The following SPSB4 variants were observed in gnomAD, a reference collection of about 807,000 sequenced individuals.
The protein encoded by SPSB4 is SPRY domain-containing SOCS box protein 4.
In SPSB4, 21 loss-of-function variants were observed where a neutral mutation model predicts 20.9. That is an observed-to-expected ratio of 1.01 (90% CI 0.71 to 1.45). The LOEUF is 1.45. Ranked by LOEUF, SPSB4 falls within the 40% of genes most tolerant of loss-of-function variation. The pLI is 0.00. For synonymous variants in SPSB4, 207 were observed against 183.8 expected (o/e 1.13, Z -1.02); for missense variants, 399 against 399.2 (o/e 1.00, Z 0.00).
At chr3:141,106,766 T>G (rs1448465058) in intron 2 of SPSB4, among the ~76,000 whole-genome samples, 9 of 152,232 alleles carry the variant, frequency 5.9e-5, no homozygotes. Context: ...TCGTGTCTAG[T>G]GGCACCTTAG....
At chr3:141,059,553 G>C (rs1937724532) in intron 1 of SPSB4, among the ~76,000 whole-genome samples, 1 of 152,062 alleles carries the variant, frequency 6.6e-6, no homozygotes, top group South Asian at 2.1e-4. Context: ...CCAGAACTCA[G>C]TCACTATCCC....
At chr3:141,139,704 A>T (rs1367042101) in intron 2 of SPSB4, among the ~76,000 whole-genome samples, 2 of 152,220 alleles carry the variant, frequency 1.3e-5, no homozygotes, top group African/African-American at 4.8e-5. Context: ...CCGAGAGATC[A>T]GCTGTTAGTC....
At chr3:141,075,901 A>G (rs1938098051) in intron 2 of SPSB4, among the ~76,000 whole-genome samples, 1 of 150,412 alleles carries the variant, frequency 6.6e-6, no homozygotes, top group African/African-American at 2.4e-5. Context: ...ACAAAAAAAA[A>G]AAAAAAAAAA....
rs780561392 is a variant in SPSB4 at position 141,147,287 on chromosome 3, G to A, written c.*18G>A. The stretch of plus-strand genomic sequence containing the variant: ...ACCAGTGAGCCAAGCCTGATGGGCA[G>A]CACAGACACAGACACACACCGCAGG... On this transcript the variant is annotated 3_prime_UTR_variant, in exon 3 of 3. Transcript: ENST00000310546. The A allele has an allele frequency of 1.9e-6, 3 of 1,613,910 alleles. No individual in the cohort carries two copies. Among genetic ancestry groups the A allele is most frequent in the African/African-American group, 2.7e-5 (2 of 74,948 alleles).
At chr3:141,096,306 C>G (rs1444509742) in intron 2 of SPSB4, among the ~76,000 whole-genome samples, 1 of 152,162 alleles carries the variant, frequency 6.6e-6, no homozygotes, top group African/African-American at 2.4e-5. Context: ...TTGGGACCTC[C>G]TAAAACACAG....
intron 2 of SPSB4, chr3:141,124,061 C>A (rs970637716): frequency 5.2e-5 from 8 of 152,390 alleles, no homozygotes; most frequent in South Asian, 4.1e-4. Flanking sequence ...GAAAGAGCTA[C>A]TTTTTATTCA....
chr3:141,104,591 G>A (rs1938659884), intron 2 of SPSB4, among the ~76,000 whole-genome samples: 1 of 152,184 alleles, frequency 6.6e-6, no homozygotes, highest in Non-Finnish European at 1.5e-5. Flanking sequence ...ATGAAAGGCT[G>A]CCAGACCTCG....
chr3:141,088,810 G>A (rs978307025), intron 2 of SPSB4, among the ~76,000 whole-genome samples: 5 of 151,952 alleles, frequency 3.3e-5, no homozygotes, highest in Admixed American at 6.6e-5. Flanking sequence ...CACTTTCTCC[G>A]TCTCTCATTT....
At chr3:141,072,112 A>G (rs917723562) in intron 2 of SPSB4, among the ~76,000 whole-genome samples, 3 of 151,906 alleles carry the variant, frequency 2.0e-5, no homozygotes, top group African/African-American at 7.3e-5. Flanking sequence ...ATCTGTCCTG[A>G]CCCCAGCTCA....
chr3:141,145,806 C>T (rs1215623576), intron 2 of SPSB4, among the ~76,000 whole-genome samples: 2 of 152,138 alleles, frequency 1.3e-5, no homozygotes, highest in Non-Finnish European at 2.9e-5. Flanking sequence ...CACTGTTCCT[C>T]TCCCCACAAA....
At chr3:141,113,570 T>C (rs1938838013) in intron 2 of SPSB4, among the ~76,000 whole-genome samples, 1 of 152,234 alleles carries the variant, frequency 6.6e-6, no homozygotes, top group Admixed American at 6.5e-5. Context: ...CATACAATCA[T>C]ATAATATTCC....
intron 2 of SPSB4, among the ~76,000 whole-genome samples, chr3:141,123,025 A>C (rs1938993803): frequency 6.6e-6 from 1 of 152,230 alleles, no homozygotes; most frequent in Non-Finnish European, 1.5e-5. Flanking sequence ...CTTCTGCATC[A>C]GTCTTGCTGG....
chr3:141,103,271 G>A (rs2107795846), intron 2 of SPSB4, among the ~76,000 whole-genome samples: 1 of 152,272 alleles, frequency 6.6e-6, no homozygotes, highest in South Asian at 2.1e-4. Flanking sequence ...GAACCCTGGG[G>A]TAGGCCACAT....
chr3:141,095,484 C>T (rs995619883), intron 2 of SPSB4, among the ~76,000 whole-genome samples: 39 of 152,076 alleles, frequency 2.6e-4, no homozygotes, highest in Admixed American at 2.5e-3. Flanking sequence ...TTTGCTGGGA[C>T]TTGGTGTTGT....
At chr3:141,068,812 A>G (rs1346090884) in intron 2 of SPSB4, among the ~76,000 whole-genome samples, 1 of 152,196 alleles carries the variant, frequency 6.6e-6, no homozygotes, top group Admixed American at 6.5e-5. Context: ...CCTGGTTTTC[A>G]GGTGCAAAGC....
At chr3:141,107,314 A>G (rs1938712826) in intron 2 of SPSB4, among the ~76,000 whole-genome samples, 1 of 152,102 alleles carries the variant, frequency 6.6e-6, no homozygotes. Context: ...AATCAGAGTG[A>G]TAAGACTATC....
In SPSB4 at chr3:141,066,276, C is replaced by T; in HGVS notation, c.172C>T (p.Pro58Ser). 6.4e-7 allele frequency: 1 copy of T among 1,562,114 alleles called. No individual in the cohort carries two copies. Among genetic ancestry groups the T allele is most frequent in the Non-Finnish European group, 8.7e-7 (1 of 1,154,896 alleles). ...TGTGCAGCTGCGGCACGCGTGGAAC[C>T]CCGAGGACCGCTCGCTCAACGTCTT... Reference protein sequence around the residue: ...LAVQLRHAWNPEDRSLNVFVK... With the variant: ...LAVQLRHAWNSEDRSLNVFVK... Residue 58 changes from proline to serine, a missense_variant, in exon 2 of 3, where the codon CCC (proline) becomes TCC (serine). Physicochemically the swap from Pro to Ser is moderately conservative, Grantham distance 74. Transcript: ENST00000310546.
chr3:141,060,964 A>T (rs941639667), intron 1 of SPSB4, among the ~76,000 whole-genome samples: 4 of 152,184 alleles, frequency 2.6e-5, no homozygotes, highest in Non-Finnish European at 5.9e-5. Flanking sequence ...GGAGTTTGAC[A>T]TATATTTGTT....
In SPSB4 at chr3:141,095,940, A is replaced by C. The variant is rs9830996; in HGVS notation, c.694+29142A>C. Among the ~76,000 whole-genome samples, 734 of 152,134 alleles carry C rather than the reference A, an allele frequency of 4.8e-3. 4 individuals are homozygous for C. Among genetic ancestry groups the C allele is most frequent in the African/African-American group, 0.016 (667 of 41,514 alleles). The stretch of plus-strand genomic sequence containing the variant: ...TCCTCATCCATCCTTCTTACAGCTA[A>C]AAGTAAAAACTCCCTTCTTCTGCCT... On this transcript the variant is annotated intron_variant, in intron 2 of 2. Coordinates refer to ENST00000310546, the MANE Select transcript of SPSB4 (RefSeq NM_080862.3).
Sources: allele counts gnomAD v4.1 joint callset (sites outside exome capture counted in the v4.1 genomes callset), GRCh38; gene constraint gnomAD v4.1.1; transcripts MANE v1.5; gene names NCBI Gene and HGNC (gene_info 2026-07-23, HGNC 2026-07-21).